RAB2A: variants seen among roughly 807,000 people sequenced by gnomAD.
The protein encoded by RAB2A is RAB2A, member RAS oncogene family, also known as ras-related protein Rab-2A.
A neutral mutation model predicts 32.5 loss-of-function variants in RAB2A; 7 were observed. That is an observed-to-expected ratio of 0.22 (90% confidence interval 0.12 to 0.40). The LOEUF is 0.40. Ranked by LOEUF, RAB2A falls within the 10% of genes least tolerant of loss-of-function variation. The pLI is 1.00. For synonymous variants in RAB2A, 79 were observed against 85.2 expected (o/e 0.93, Z 0.40); for missense variants, 108 against 260.7 (o/e 0.41, Z 4.03).
At chr8:60,555,408 A>ATT (rs1807921453) in intron 1 of RAB2A, among the ~76,000 whole-genome samples, 1 of 150,956 alleles carries the variant, frequency 6.6e-6, no homozygotes. Flanking sequence ...AATCCTTCAC[A>ATT]GCAAAGGAAA....
At chr8:60,540,355 C>T (rs1563462820) in intron 1 of RAB2A, among the ~76,000 whole-genome samples, 1 of 151,732 alleles carries the variant, frequency 6.6e-6, no homozygotes, top group South Asian at 2.1e-4. Context: ...CAGATGAGAG[C>T]TGGAATTATC....
intron 3 of RAB2A, among the ~76,000 whole-genome samples, chr8:60,582,631 C>T (rs1325897273): frequency 6.6e-6 from 1 of 152,182 alleles, no homozygotes; most frequent in African/African-American, 2.4e-5. Context: ...GATGATCCTC[C>T]TACCTCAGCC....
chr8:60,595,424 G>A (rs1804006347), intron 6 of RAB2A, among the ~76,000 whole-genome samples: 1 of 152,088 alleles, frequency 6.6e-6, no homozygotes, highest in African/African-American at 2.4e-5. Context: ...AATGTTGGTG[G>A]TCAAAATACA....
chr8:60,547,205 G>A (rs1419761604), intron 1 of RAB2A, among the ~76,000 whole-genome samples: 2 of 151,960 alleles, frequency 1.3e-5, no homozygotes, highest in African/African-American at 4.8e-5. Context: ...GAGAACACAG[G>A]GTTGGGGGTA....
rs2930041 is a variant in RAB2A at position 60,622,808 on chromosome 8, G to C, written c.*2039G>C. On this transcript the variant is annotated 3_prime_UTR_variant, in exon 8 of 8. Coordinates refer to ENST00000262646, the MANE Select transcript of RAB2A (RefSeq NM_002865.3). ...AATGTGCCTCAGTCTGGGGCAGCAG[G>C]TGGACTTCTCAATAGTTCTTTTCCA... 6.6e-6 allele frequency: 1 copy of C among 152,100 alleles called. No individual in the cohort carries two copies. The highest frequency in any genetic ancestry group is 2.4e-5 in the African/African-American group (1 of 41,360). 9.4% of individuals were successfully genotyped at this position (152,100 alleles called of 1,614,324 possible).
intron 2 of RAB2A, among the ~76,000 whole-genome samples, chr8:60,559,715 A>G (rs746964783): frequency 9.3e-4 from 141 of 152,244 alleles, no homozygotes; most frequent in Non-Finnish European, 1.2e-3. Context: ...ACAACTAGAA[A>G]TTAGTCAAAT....
At chr8:60,583,636 A>G (rs531945999) in intron 3 of RAB2A, among the ~76,000 whole-genome samples, 146 of 152,322 alleles carry the variant, frequency 9.6e-4, no homozygotes, top group Non-Finnish European at 1.7e-3. Flanking sequence ...ATTCCATTTG[A>G]TGACTGTTGA....
intron 6 of RAB2A, among the ~76,000 whole-genome samples, chr8:60,617,948 C>T (rs779336856): frequency 1.3e-5 from 2 of 152,230 alleles, no homozygotes; most frequent in African/African-American, 2.4e-5. Context: ...CTATTCTAGA[C>T]ATTTCGTACA....
At chr8:60,586,291 T>C (rs1016519753) in intron 5 of RAB2A, among the ~76,000 whole-genome samples, 1 of 103,696 alleles carries the variant, frequency 9.6e-6, no homozygotes, top group African/African-American at 6.6e-5. Context: ...AGCAAGACCT[T>C]GTCTCAAAAA....
chr8:60,589,695 A>G (rs565818311), intron 5 of RAB2A, among the ~76,000 whole-genome samples: 94 of 152,348 alleles, frequency 6.2e-4, no homozygotes, highest in African/African-American at 2.2e-3. Flanking sequence ...GAGTGAACTA[A>G]GACAACAATA....
At chr8:60,603,401 C>T (rs1483475021) in intron 6 of RAB2A, among the ~76,000 whole-genome samples, 1 of 152,174 alleles carries the variant, frequency 6.6e-6, no homozygotes, top group Non-Finnish European at 1.5e-5. Context: ...CATAAGATAA[C>T]AACAGCTTTG....
chr8:60,538,121 T>C (rs1807585137), intron 1 of RAB2A, among the ~76,000 whole-genome samples: 1 of 152,258 alleles, frequency 6.6e-6, no homozygotes, highest in South Asian at 2.1e-4. Flanking sequence ...TTACTTGCTA[T>C]TAGATTTAAT....
At chr8:60,582,967 T>C (rs1256841376) in intron 3 of RAB2A, among the ~76,000 whole-genome samples, 1 of 148,628 alleles carries the variant, frequency 6.7e-6, no homozygotes, top group Non-Finnish European at 1.5e-5. Flanking sequence ...ACTTTTTCAC[T>C]CAACAGGCTT....
intron 1 of RAB2A, among the ~76,000 whole-genome samples, chr8:60,556,206 C>T (rs1586080532): frequency 6.6e-6 from 1 of 151,756 alleles, no homozygotes. Flanking sequence ...GTATTAGAGG[C>T]CGGGAAGGGT....
chr8:60,554,177 G>T (rs961841668), intron 1 of RAB2A, among the ~76,000 whole-genome samples: 1 of 152,198 alleles, frequency 6.6e-6, no homozygotes, highest in Non-Finnish European at 1.5e-5. Flanking sequence ...CATTTTCACA[G>T]TGGTTTACAA....
At chr8:60,602,943 A>C (rs1237336009) in intron 6 of RAB2A, among the ~76,000 whole-genome samples, 1 of 152,320 alleles carries the variant, frequency 6.6e-6, no homozygotes, top group East Asian at 1.9e-4. Flanking sequence ...GGGCTCAGAC[A>C]GGATCTATCC....
At chr8:60,567,584 T>C (rs1808134802) in intron 2 of RAB2A, among the ~76,000 whole-genome samples, 1 of 152,052 alleles carries the variant, frequency 6.6e-6, no homozygotes, top group African/African-American at 2.4e-5. Flanking sequence ...CATGGGCTAA[T>C]TTGGAGATAA....
intron 1 of RAB2A, among the ~76,000 whole-genome samples, chr8:60,522,700 A>G (rs1323167696): frequency 6.6e-6 from 1 of 151,972 alleles, no homozygotes; most frequent in East Asian, 1.9e-4. Flanking sequence ...AGAGAAGGGG[A>G]GGTAAGGAGC....
chr8:60,517,921 C>T (rs1316844705), intron 1 of RAB2A, among the ~76,000 whole-genome samples: 1 of 152,134 alleles, frequency 6.6e-6, no homozygotes, highest in Non-Finnish European at 1.5e-5. Flanking sequence ...TGAACGAGTT[C>T]TGTGGACTTT....
Sources: allele counts gnomAD v4.1 joint callset (sites outside exome capture counted in the v4.1 genomes callset), GRCh38; gene constraint gnomAD v4.1.1; transcripts MANE v1.5; gene names NCBI Gene and HGNC (gene_info 2026-07-23, HGNC 2026-07-21).